The following KMT2C variants were observed in gnomAD, a reference collection of about 807,000 sequenced individuals.
KMT2C encodes the protein lysine methyltransferase 2C.
A neutral mutation model predicts 507.9 loss-of-function variants in KMT2C; 88 were observed. The observed-to-expected ratio is 0.17, with a 90% CI of 0.15 to 0.21. The LOEUF (loss-of-function observed/expected upper bound fraction) is 0.21, where lower values mean the gene tolerates loss of function less well. Ranked by LOEUF, KMT2C falls within the 10% of genes least tolerant of loss-of-function variation. The pLI, the probability that KMT2C is intolerant of heterozygous loss-of-function variation, is 1.00. For synonymous variants in KMT2C, 2,049 were observed against 2,080.8 expected, an observed-to-expected ratio of 0.98 and a Z score of 0.42; for missense variants, 4,954 against 5,957.8, an observed-to-expected ratio of 0.83 and a Z score of 5.55.
chr7:152,286,981 A>T (rs2096310663), intron 6 of KMT2C, among the ~76,000 whole-genome samples: 1 of 152,236 alleles, frequency 6.6e-6, no homozygotes, highest in African/African-American at 2.4e-5. Flanking sequence ...ATAAAAGCCC[A>T]AGCCATATAC....
chr7:152,374,013 T>C (rs1434356996), intron 1 of KMT2C, among the ~76,000 whole-genome samples: 1 of 151,962 alleles, frequency 6.6e-6, no homozygotes, highest in Non-Finnish European at 1.5e-5. Context: ...AACAATGATA[T>C]GAAAAATGAA....
chr7:152,146,791 A>T lies in KMT2C; in HGVS notation c.13895-56T>A, dbSNP rs1230767564. ...GGAAATAGGATACAGTATAAAAAAC[A>T]AGAGCAAAATGAAGAATAACCACTC... On this transcript the variant is annotated intron_variant, in intron 52 of 58. Coordinates refer to ENST00000262189, the MANE Select transcript of KMT2C (RefSeq NM_170606.3). The T allele has an allele frequency of 4.7e-5, 70 of 1,499,498 alleles. No individual in the cohort carries two copies. Among genetic ancestry groups the T allele is most frequent in the Non-Finnish European group, 6.4e-5 (70 of 1,090,060 alleles). The allele number at this position is 1,499,498 out of a possible 1,614,324, so 92.9% of individuals were successfully genotyped here. A position where few individuals can be genotyped will look rare whatever the true frequency, so the allele number is the denominator to read the frequency against.
chr7:152,278,310 T>A (rs2096127773), intron 6 of KMT2C, among the ~76,000 whole-genome samples: 4 of 152,114 alleles, frequency 2.6e-5, no homozygotes, highest in Admixed American at 1.3e-4. Context: ...AGACAGAGTT[T>A]CACTCTGTTG....
At chr7:152,256,730 A>T (rs1478620308) in intron 9 of KMT2C, among the ~76,000 whole-genome samples, 2 of 152,240 alleles carry the variant, frequency 1.3e-5, no homozygotes, top group Admixed American at 6.5e-5. Flanking sequence ...CACGAGAAGA[A>T]ATTAAAACTG....
rs1239803103 is a variant in KMT2C, at chr7:152,136,055, A to C, written c.*777T>G. The C allele has an allele frequency of 4.5e-6, 1 of 220,488 alleles. No homozygotes were observed. The highest frequency in any genetic ancestry group is 9.1e-6 in the Non-Finnish European group (1 of 109,888). The allele number at this position is 220,488 out of a possible 1,614,324, so 13.7% of individuals were successfully genotyped here. The stretch of plus-strand genomic sequence containing the variant: ...CTATTTTTATACTGTATTTTTTCTC[A>C]AAATATTTACATATCTGTACAAAGT... On this transcript the variant is annotated 3_prime_UTR_variant, in exon 59 of 59. Coordinates refer to ENST00000262189, the MANE Select transcript of KMT2C (RefSeq NM_170606.3).
chr7:152,374,368 A>G, intron 1 of KMT2C, among the ~76,000 whole-genome samples: 1 of 151,900 alleles, frequency 6.6e-6, no homozygotes, highest in South Asian at 2.1e-4. Flanking sequence ...AAGAAATTTT[A>G]AAAATAATAA....
intron 23 of KMT2C, among the ~76,000 whole-genome samples, chr7:152,214,156 T>C (rs533356787): frequency 2.7e-5 from 4 of 149,400 alleles, no homozygotes; most frequent in Non-Finnish European, 5.9e-5. Flanking sequence ...GAAAACAGTA[T>C]AGAGTTTCCT....
chr7:152,297,230 T>C (rs1413654462), intron 6 of KMT2C, among the ~76,000 whole-genome samples: 2 of 150,090 alleles, frequency 1.3e-5, no homozygotes, highest in East Asian at 3.9e-4. Flanking sequence ...ACGATAAGAG[T>C]TTCCAGGCCA....
intron 38 of KMT2C, among the ~76,000 whole-genome samples, chr7:152,175,580 T>C (rs2129111949): frequency 6.6e-6 from 1 of 151,994 alleles, no homozygotes; most frequent in Non-Finnish European, 1.5e-5. Flanking sequence ...TGGTTTTCTG[T>C]TCCTGCATTA....
chr7:152,199,360 T>C lies in KMT2C; in HGVS notation c.4192A>G (p.Asn1398Asp). ...GGATCCAAGAAACCTGTGTTCATGT[T>C]TGTTTTATATAAAAGCTGAGCTCCA... ...EDGAQLLYKTNMNTGFLDPSL... is the reference protein window; with the variant it reads ...EDGAQLLYKTDMNTGFLDPSL... The change falls in exon 27 of 59, where the codon AAC (asparagine) becomes GAC (aspartate). Residue 1398 changes from asparagine (N) to aspartate (D), a missense_variant. Coordinates refer to ENST00000262189, the MANE Select transcript of KMT2C (RefSeq NM_170606.3). 1 of 1,606,706 alleles carries C rather than the reference T, an allele frequency of 6.2e-7. No homozygotes were observed. The highest frequency in any genetic ancestry group is 8.5e-7 in the Non-Finnish European group (1 of 1,177,616).
rs1363955967 is a variant in KMT2C, at chr7:152,138,912, C to T, written c.14535-8G>A. ...CACGAATGGTTGATATACCTGCAAG[C>T]CACCATGTCAGAAAACTGTATTGTA... On this transcript the variant is annotated splice_polypyrimidine_tract_variant and splice_region_variant and intron_variant, in intron 57 of 58. Transcript: ENST00000262189. This position sits in a 1 kb window ranked among gnomAD's most constrained non-coding sequence, Gnocchi z 4.2. 2 of 1,600,752 alleles carry T rather than the reference C, an allele frequency of 1.2e-6. No homozygotes were observed. The highest frequency in any genetic ancestry group is 2.2e-5 in the East Asian group (1 of 44,824).
intron 6 of KMT2C, among the ~76,000 whole-genome samples, chr7:152,276,692 G>A (rs2129179357): frequency 6.6e-6 from 1 of 152,056 alleles, no homozygotes; most frequent in East Asian, 1.9e-4. Flanking sequence ...GGTTGAGGCT[G>A]CAGTGAGCTG....
At chr7:152,369,179 C>T (rs562847290) in intron 1 of KMT2C, among the ~76,000 whole-genome samples, 1 of 152,034 alleles carries the variant, frequency 6.6e-6, no homozygotes, top group Non-Finnish European at 1.5e-5. Flanking sequence ...AAAAGTTGGC[C>T]GGGCATGGTG....
intron 18 of KMT2C, among the ~76,000 whole-genome samples, chr7:152,227,698 T>A (rs2094975433): frequency 6.6e-6 from 1 of 152,130 alleles, no homozygotes. Context: ...GAAGAAGCAA[T>A]AACGACTAAG....
intron 2 of KMT2C, among the ~76,000 whole-genome samples, chr7:152,343,599 A>G (rs1429916533): frequency 6.6e-6 from 1 of 152,122 alleles, no homozygotes; most frequent in Non-Finnish European, 1.5e-5. Context: ...AAGAACATCA[A>G]AAAGGATAAA....
In KMT2C at chr7:152,358,670, C is replaced by T. The variant is rs1403418496; in HGVS notation, c.167G>A (p.Arg56Gln). 4 of 1,591,678 alleles carry T rather than the reference C, an allele frequency of 2.5e-6. No homozygotes were observed. Among genetic ancestry groups the T allele is most frequent in the African/African-American group, 2.7e-5 (2 of 73,398 alleles). The part of the protein sequence containing the change: ...SPFQRARKKP[R>Q]SRGKTAVEDE... Reference sequence around the variant, plus strand: ...TTCCACTGCAGTTTTCCCCCTACTTCGAGGTCTACAGAAAAAAAAAAAAAT... The same window carrying T: ...TTCCACTGCAGTTTTCCCCCTACTTTGAGGTCTACAGAAAAAAAAAAAAAT... The change falls in exon 2 of 59, where the codon CGA (arginine) becomes CAA (glutamine). Residue 56 changes from arginine (R) to glutamine (Q), a missense_variant. Coordinates refer to ENST00000262189, the MANE Select transcript of KMT2C (RefSeq NM_170606.3).
chr7:152,340,579 A>T (rs114717045), intron 2 of KMT2C, among the ~76,000 whole-genome samples: 6 of 152,312 alleles, frequency 3.9e-5, no homozygotes, highest in African/African-American at 1.4e-4. Flanking sequence ...TTTATTCACT[A>T]AACTACTTAA....
chr7:152,160,317 G>A (rs938373137), intron 43 of KMT2C, among the ~76,000 whole-genome samples: 1 of 152,152 alleles, frequency 6.6e-6, no homozygotes, highest in African/African-American at 2.4e-5. Flanking sequence ...TAGAAATGCA[G>A]ATTATCTGGT....
chr7:152,425,776 A>G (rs895998480), intron 1 of KMT2C, among the ~76,000 whole-genome samples: 5 of 152,106 alleles, frequency 3.3e-5, no homozygotes, highest in Non-Finnish European at 7.3e-5. Flanking sequence ...AGGCTCCACT[A>G]AAAGAACACC....
Sources: gnomAD v4.1 joint callset for allele counts (sites outside exome capture counted in the v4.1 genomes callset) on GRCh38, gnomAD v4.1.1 for gene constraint, Gnocchi (gnomAD v3.1) non-coding constraint, MANE v1.5 for transcripts, NCBI Gene and HGNC (gene_info 2026-07-23, HGNC 2026-07-21) for gene names.